The following PCDH15 variants were observed in gnomAD, a reference collection of about 807,000 sequenced individuals.
The protein encoded by PCDH15 is protocadherin related 15.
A neutral mutation model predicts 178.5 loss-of-function variants in PCDH15; 129 were observed. The observed-to-expected ratio is 0.72, with a 90% confidence interval of 0.63 to 0.84. The LOEUF is 0.84. Among genes scored for constraint, PCDH15 ranks in the 40% least tolerant of loss-of-function variants. PCDH15 has a pLI of 0.00. For synonymous variants in PCDH15, 800 were observed against 732.0 expected (o/e 1.09, Z -1.50); for missense variants, 2,230 against 2,099.9 (o/e 1.06, Z -1.21).
chr10:55,469,563 C>T (rs1271883704), intron 2 of PCDH15, among the ~76,000 whole-genome samples: 3 of 151,784 alleles, frequency 2.0e-5, no homozygotes, highest in Admixed American at 2.0e-4. Flanking sequence ...TTGAATATTG[C>T]TCAGTTTTAT....
At chr10:53,842,395 A>G (rs1481293126) in intron 28 of PCDH15, among the ~76,000 whole-genome samples, 1 of 151,968 alleles carries the variant, frequency 6.6e-6, no homozygotes, top group Admixed American at 6.6e-5. Flanking sequence ...ACAGGCATGC[A>G]CCACCACACC....
In PCDH15 at chr10:54,298,163, C is replaced by G. The variant is rs544115496; in HGVS notation, c.876+19108G>C. On this transcript the variant is annotated intron_variant, in intron 8 of 37. Coordinates refer to ENST00000644397, the MANE Select transcript of PCDH15 (RefSeq NM_001384140.1). ...GAAAGGAAGAAAATCCTGCCTTCCTCGAGCAGCTATGGGAGGCCTTAAGGA... is the reference window on the plus strand; with the variant it reads ...GAAAGGAAGAAAATCCTGCCTTCCTGGAGCAGCTATGGGAGGCCTTAAGGA... Among the ~76,000 whole-genome samples, 5 of 152,218 alleles carry G rather than the reference C, an allele frequency of 3.3e-5. No individual in the cohort carries two copies. In the South Asian group the frequency reaches 6.2e-4, roughly 19 times the overall value.
At chr10:53,918,142 G>A (rs990191414) in intron 25 of PCDH15, among the ~76,000 whole-genome samples, 1 of 152,036 alleles carries the variant, frequency 6.6e-6, no homozygotes, top group Non-Finnish European at 1.5e-5. Flanking sequence ...AACCAAATAT[G>A]GTTTTCCATA....
intron 2 of PCDH15, among the ~76,000 whole-genome samples, chr10:55,507,536 T>C (rs1840785357): frequency 1.3e-5 from 2 of 151,594 alleles, no homozygotes; most frequent in Non-Finnish European, 3.0e-5. Flanking sequence ...TGAGTTTTCT[T>C]TTCTTTTCTT....
chr10:53,827,458 C>A lies in PCDH15; in HGVS notation c.4302G>T (p.Ala1434=). 5 of 1,613,598 alleles carry A rather than the reference C, an allele frequency of 3.1e-6. No homozygotes were observed. Among genetic ancestry groups the A allele is most frequent in the Non-Finnish European group, 3.4e-6 (4 of 1,179,706 alleles). The change falls in exon 32 of 38, where the codon GCG becomes GCT. Residue 1434 remains alanine, a synonymous_variant. Coordinates refer to ENST00000644397, the MANE Select transcript of PCDH15 (RefSeq NM_001384140.1). ...GCGGAGGCGGCGGCGGCGGCGGGGGCGCTGCCACTGGTGCAGGAGCCGGCA... is the reference window on the plus strand; with the variant it reads ...GCGGAGGCGGCGGCGGCGGCGGGGGAGCTGCCACTGGTGCAGGAGCCGGCA... ...PAVPAPAPVA[A]PPPPPPPPPG...
At chr10:55,125,141 T>C (rs1837864435) in intron 2 of PCDH15, among the ~76,000 whole-genome samples, 1 of 149,164 alleles carries the variant, frequency 6.7e-6, no homozygotes, top group South Asian at 2.2e-4. Flanking sequence ...AAAATTAGGA[T>C]ACTTTTTGAA....
chr10:55,425,680 A>C (rs1565126184), intron 2 of PCDH15, among the ~76,000 whole-genome samples: 1 of 152,100 alleles, frequency 6.6e-6, no homozygotes, highest in African/African-American at 2.4e-5. Flanking sequence ...ACAAAAAAAA[A>C]CAGTGTTACT....
chr10:54,807,717 T>C (rs1952800888), intron 3 of PCDH15, among the ~76,000 whole-genome samples: 1 of 148,382 alleles, frequency 6.7e-6, no homozygotes, highest in African/African-American at 2.4e-5. Flanking sequence ...TGATAATATT[T>C]ATATATAAAT....
intron 3 of PCDH15, among the ~76,000 whole-genome samples, chr10:54,382,678 A>G (rs999840366): frequency 1.4e-4 from 21 of 152,196 alleles, no homozygotes; most frequent in African/African-American, 5.1e-4. Context: ...AGGAATACAT[A>G]ACAACCTGAT....
At chr10:55,093,487 A>AT (rs1842368006) in intron 2 of PCDH15, among the ~76,000 whole-genome samples, 1 of 152,036 alleles carries the variant, frequency 6.6e-6, no homozygotes, top group South Asian at 2.1e-4. Context: ...GTTGAATTAG[A>AT]TCCCATTTGT....
At chr10:54,421,009 C>T (rs1162123285) in intron 3 of PCDH15, among the ~76,000 whole-genome samples, 1 of 151,988 alleles carries the variant, frequency 6.6e-6, no homozygotes, top group Non-Finnish European at 1.5e-5. Flanking sequence ...ACGAAAAAAG[C>T]TTTTCGCTTC....
intron 3 of PCDH15, among the ~76,000 whole-genome samples, chr10:54,863,490 C>A (rs182380642): frequency 6.6e-6 from 1 of 152,106 alleles, no homozygotes; most frequent in Non-Finnish European, 1.5e-5. Context: ...TGCAGCGAGC[C>A]GAGATCGTGC....
chr10:54,916,007 T>G (rs1329623848), intron 2 of PCDH15, among the ~76,000 whole-genome samples: 1 of 152,128 alleles, frequency 6.6e-6, no homozygotes, highest in Non-Finnish European at 1.5e-5. Context: ...TTTTGTATTT[T>G]TAGTAGGGAT....
intron 18 of PCDH15, among the ~76,000 whole-genome samples, chr10:54,040,547 C>T: frequency 6.6e-6 from 1 of 151,998 alleles, no homozygotes; most frequent in South Asian, 2.1e-4. Context: ...TGGGCTAATA[C>T]ATCTATATTC....
At chr10:54,488,298 G>T (rs192049807) in intron 3 of PCDH15, among the ~76,000 whole-genome samples, 116 of 151,828 alleles carry the variant, frequency 7.6e-4, no homozygotes, top group African/African-American at 2.8e-3. Context: ...TGGATACTTG[G>T]ATTATTTTTA....
chr10:55,447,747 T>G (rs1413352599), intron 2 of PCDH15, among the ~76,000 whole-genome samples: 2 of 152,100 alleles, frequency 1.3e-5, no homozygotes, highest in Non-Finnish European at 2.9e-5. Context: ...AGAATTATGT[T>G]CACATAATTA....
chr10:54,736,474 A>T (rs1349397908), intron 1 of PCDH15, among the ~76,000 whole-genome samples: 2 of 152,002 alleles, frequency 1.3e-5, no homozygotes, highest in Non-Finnish European at 2.9e-5. Flanking sequence ...TGCTATGACC[A>T]TCACCAGCAT....
chr10:55,443,865 CAA>C (rs1839253657), intron 2 of PCDH15, among the ~76,000 whole-genome samples: 1 of 151,460 alleles, frequency 6.6e-6, no homozygotes, highest in Non-Finnish European at 1.5e-5. Flanking sequence ...TTCACAACAG[CAA>C]AGACTTGGGA....
At position 53,938,871 on chromosome 10, in the gene PCDH15, C is replaced by G. The variant is rs746935130; in HGVS notation, c.3317G>C (p.Arg1106Pro). 8.1e-6 allele frequency: 13 copies of G among 1,613,446 alleles called. No individual in the cohort carries two copies. The highest frequency in any genetic ancestry group is 1.1e-5 in the Non-Finnish European group (13 of 1,179,626). ...CACTTCCAGGGAATCAGCTTGGACT[C>G]GAAGTACATAGCTTGTCCTGGTCTC... is the stretch of plus-strand genomic sequence containing the variant. ...DYETRTSYVL[R>P]VQADSLEVVL... Residue 1106 changes from arginine to proline, a missense_variant, in exon 25 of 38, where the codon CGA (arginine) becomes CCA (proline). Physicochemically the swap from Arg to Pro is moderately radical, Grantham distance 103. Coordinates refer to ENST00000644397, the MANE Select transcript of PCDH15 (RefSeq NM_001384140.1).
Sources: allele counts gnomAD v4.1 joint callset (sites outside exome capture counted in the v4.1 genomes callset), GRCh38; gene constraint gnomAD v4.1.1; transcripts MANE v1.5; gene names NCBI Gene and HGNC (gene_info 2026-07-23, HGNC 2026-07-21).